HSP90AA1: variants seen among roughly 807,000 people sequenced by gnomAD.
The protein encoded by HSP90AA1 is heat shock protein 90 alpha family class A member 1, also known as heat shock protein HSP 90-alpha.
HSP90AA1 carries 18 observed loss-of-function variants against 73.3 expected under a neutral mutation model. The ratio of observed to expected loss-of-function variants is 0.25; its 90% CI spans 0.17 to 0.36. The LOEUF (loss-of-function observed/expected upper bound fraction) is 0.36. HSP90AA1 is among the 10% of genes least tolerant of loss of function. The probability of loss-of-function intolerance (pLI) is 1.00; values close to 1 mark genes in which losing one functional copy is unlikely to be tolerated. For missense variants in HSP90AA1, 704 were observed against 874.2 expected (o/e 0.81, Z 2.45); for synonymous variants, 477 against 296.9 (o/e 1.61, Z -6.24).
chr14:102,102,127 A>G (rs528311408), intron 1 of HSP90AA1: 2 of 1,542,796 alleles, frequency 1.3e-6, no homozygotes, highest in African/African-American at 1.4e-5. Flanking sequence ...CAAACCAAAC[A>G]TAACAGAGAT....
At chr14:102,082,004 A>C in intron 10 of HSP90AA1, 107 bp downstream of exon 10, 2 of 843,968 alleles carry the variant, frequency 2.4e-6, no homozygotes, top group Non-Finnish European at 4.0e-6. Flanking sequence ...ACCTCCAAGC[A>C]GCAAGCAGGA....
At chr14:102,114,976 TACA>T (rs921594644) in intron 1 of HSP90AA1, among the ~76,000 whole-genome samples, 29 of 152,064 alleles carry the variant, frequency 1.9e-4, no homozygotes, top group South Asian at 8.3e-4. Flanking sequence ...CTACTAAAAA[TACA>T]ACAACAACAA....
chr14:102,102,694 T>G (rs866554365), intron 1 of HSP90AA1, among the ~76,000 whole-genome samples: 1 of 152,234 alleles, frequency 6.6e-6, no homozygotes, highest in South Asian at 2.1e-4. Flanking sequence ...CTTCCTATGA[T>G]TATTCTAGAG....
intron 1 of HSP90AA1, among the ~76,000 whole-genome samples, chr14:102,104,672 T>C (rs1218554156): frequency 2.0e-5 from 3 of 152,168 alleles, no homozygotes; most frequent in African/African-American, 7.2e-5. Flanking sequence ...TCTACTGTAC[T>C]CTTGAATACC....
Position 102,084,497 on chromosome 14 carries a change from T to C in HSP90AA1, c.1049A>G (p.Asp350Gly). 6.2e-7 allele frequency: 1 copy of C among 1,614,036 alleles called. No individual in the cohort carries two copies. The change falls in exon 6 of 11, where the codon GAT becomes GGT. Residue 350 changes from aspartate (D) to glycine (G), a missense_variant. Physicochemically the swap from Asp to Gly is moderately conservative, Grantham distance 94 (BLOSUM62 -1). Coordinates refer to ENST00000216281, the MANE Select transcript of HSP90AA1 (RefSeq NM_005348.4). ...CTTTTTCTTTCTGTTTTCAAACAGA[T>C]CAAAAGGAGCACGTCGTGGGACAAA... Reference protein sequence around the residue: ...LLFVPRRAPFDLFENRKKKNN... With the variant: ...LLFVPRRAPFGLFENRKKKNN...
At chr14:102,121,453 C>T (rs1351344826) in intron 1 of HSP90AA1, among the ~76,000 whole-genome samples, 3 of 152,100 alleles carry the variant, frequency 2.0e-5, no homozygotes, top group African/African-American at 7.2e-5. Flanking sequence ...AATCACATAA[C>T]TACAATAAGT....
At chr14:102,122,744 T>C (rs1485014033) in intron 1 of HSP90AA1, among the ~76,000 whole-genome samples, 3 of 151,998 alleles carry the variant, frequency 2.0e-5, no homozygotes, top group Non-Finnish European at 4.4e-5. Context: ...CTCAGCTCAC[T>C]GCAACCTCTG....
chr14:102,084,131 G>A (rs892416597), intron 6 of HSP90AA1, 148 bp from the exon 7 acceptor site: 12 of 760,346 alleles, frequency 1.6e-5, no homozygotes, highest in African/African-American at 1.2e-4. Context: ...GGGCAGTGGC[G>A]CAATCTCCAC....
chr14:102,087,151 G>T (rs1028153265), upstream of HSP90AA1: 3 of 983,480 alleles, frequency 3.1e-6, no homozygotes, highest in East Asian at 1.2e-4. Flanking sequence ...CCCAGCCGCC[G>T]CCGCGGCCGC....
intron 1 of HSP90AA1, among the ~76,000 whole-genome samples, chr14:102,130,878 C>G (rs535852420): frequency 1.3e-5 from 2 of 151,842 alleles, no homozygotes; most frequent in African/African-American, 4.8e-5. Flanking sequence ...TACACCACCA[C>G]GCTAATTTTT....
chr14:102,088,334 C>A (rs1325277885), upstream of HSP90AA1, among the ~76,000 whole-genome samples: 3 of 152,162 alleles, frequency 2.0e-5, no homozygotes, highest in Non-Finnish European at 2.9e-5. Context: ...TGGGCCGCCT[C>A]CTGCCTAGAC....
chr14:102,088,976 TGCTCACTGCAACC>T (rs2049314460), upstream of HSP90AA1, among the ~76,000 whole-genome samples: 1 of 143,548 alleles, frequency 7.0e-6, no homozygotes, highest in African/African-American at 3.0e-5. Flanking sequence ...GCACAATCTC[TGCTCACTGCAACC>T]TGCTCACTGC....
intron 3 of HSP90AA1, 67 bp downstream of exon 3, chr14:102,085,691 G>T: frequency 1.2e-6 from 2 of 1,607,382 alleles, no homozygotes; most frequent in Non-Finnish European, 1.7e-6. Context: ...GCATCCCCAG[G>T]GGTCCAAGGG....
chr14:102,087,019 A>G lies in HSP90AA1; in HGVS notation c.-34T>C. 3 of 985,152 alleles carry G rather than the reference A, an allele frequency of 3.0e-6. No homozygotes were observed. The highest frequency in any genetic ancestry group is 3.6e-6 in the Non-Finnish European group (3 of 830,056). 61.0% of individuals were successfully genotyped at this position (985,152 alleles called of 1,614,324 possible). A position where few individuals can be genotyped will look rare whatever the true frequency, so the allele number is the denominator to read the frequency against. ...AGTGACCGCACAGGACCAACGGCACAGCCACACCGGGACGCTGAAGCAACT... is the reference window on the plus strand; with the variant it reads ...AGTGACCGCACAGGACCAACGGCACGGCCACACCGGGACGCTGAAGCAACT... On this transcript the variant is annotated 5_prime_UTR_variant, in exon 1 of 11. Coordinates refer to ENST00000216281, the MANE Select transcript of HSP90AA1 (RefSeq NM_005348.4).
At chr14:102,102,370 C>G (rs186388248) in intron 1 of HSP90AA1, among the ~76,000 whole-genome samples, 2 of 152,198 alleles carry the variant, frequency 1.3e-5, no homozygotes, top group Admixed American at 6.5e-5. Flanking sequence ...TGCTCTTGGA[C>G]TGGGCTAGAG....
At chr14:102,088,422 CTT>C (rs1456164325), upstream of HSP90AA1, among the ~76,000 whole-genome samples, 1 of 152,236 alleles carries the variant, frequency 6.6e-6, no homozygotes, top group Non-Finnish European at 1.5e-5. Flanking sequence ...GCTTCCTGGT[CTT>C]TAGGGAAACG....
intron 9 of HSP90AA1, 100 bp from the exon 10 acceptor site, chr14:102,082,544 A>ATACTATCT: frequency 1.2e-6 from 1 of 840,166 alleles, no homozygotes; most frequent in South Asian, 1.4e-5. Flanking sequence ...TAGATCCAAA[A>ATACTATCT]TACTATCTAC....
intron 4 of HSP90AA1, 66 bp downstream of exon 4, chr14:102,085,232 G>C (rs1002389829): frequency 6.6e-7 from 1 of 1,525,408 alleles, no homozygotes; most frequent in Non-Finnish European, 9.1e-7. Flanking sequence ...AGGGACTAAG[G>C]ATGTAGTACA....
In HSP90AA1 at chr14:102,085,643, C is replaced by T. The variant is rs1404617236; in HGVS notation, c.529+115G>A. Reference sequence around the variant, plus strand: ...ACTAATTAAGTGCTCTAGCTTGTTCCTGATCGTTGGGCAAACACAAATTCT... The same window carrying T: ...ACTAATTAAGTGCTCTAGCTTGTTCTTGATCGTTGGGCAAACACAAATTCT... On this transcript the variant is annotated intron_variant, in intron 3 of 10. Coordinates refer to ENST00000216281, the MANE Select transcript of HSP90AA1 (RefSeq NM_005348.4). 5 of 1,511,642 alleles carry T rather than the reference C, an allele frequency of 3.3e-6. No individual in the cohort carries two copies. In the Admixed American group the frequency reaches 8.4e-5, roughly 26 times the overall value. 93.6% of individuals were successfully genotyped at this position (1,511,642 alleles called of 1,614,324 possible). A position where few individuals can be genotyped will look rare whatever the true frequency, so the allele number is the denominator to read the frequency against.
Sources: gnomAD v4.1 joint callset for allele counts (sites outside exome capture counted in the v4.1 genomes callset) on GRCh38, gnomAD v4.1.1 for gene constraint, MANE v1.5 for transcripts, NCBI Gene and HGNC (gene_info 2026-07-23, HGNC 2026-07-21) for gene names.